SCMH1: variants seen among roughly 807,000 people sequenced by gnomAD.
The protein encoded by SCMH1 is Scm polycomb group protein homolog 1, also known as polycomb protein SCMH1.
Under a neutral mutation model 70.8 loss-of-function variants are expected in SCMH1, and 37 were observed. That is an observed-to-expected ratio of 0.52 (90% CI 0.40 to 0.69). The LOEUF (loss-of-function observed/expected upper bound fraction) is 0.69, where lower values mean the gene tolerates loss of function less well. SCMH1 is among the 30% of genes least tolerant of loss of function. The pLI is 0.00. For missense variants in SCMH1, 607 were observed against 827.3 expected (o/e 0.73, Z 3.27); for synonymous variants, 292 against 307.4 (o/e 0.95, Z 0.52).
intron 10 of SCMH1, among the ~76,000 whole-genome samples, chr1:41,050,453 A>G (rs1647672187): frequency 6.6e-6 from 1 of 152,216 alleles, no homozygotes; most frequent in East Asian, 1.9e-4. Context: ...GAAGTGACTG[A>G]GCCAGATGCT....
At chr1:41,134,250 C>T (rs960697044) in intron 6 of SCMH1, among the ~76,000 whole-genome samples, 1 of 152,180 alleles carries the variant, frequency 6.6e-6, no homozygotes, top group African/African-American at 2.4e-5. Flanking sequence ...ATGCTAAAAA[C>T]TCTCAATAAA....
At chr1:41,171,322 T>A (rs571993447) in intron 2 of SCMH1, among the ~76,000 whole-genome samples, 1 of 152,206 alleles carries the variant, frequency 6.6e-6, no homozygotes, top group Non-Finnish European at 1.5e-5. Flanking sequence ...GCAATTCTAC[T>A]GTCAAAACTA....
At position 41,113,329 on chromosome 1, in the gene SCMH1, G is replaced by C; in HGVS notation, c.699C>G (p.Gly233=). ...GGTTGTCTCCAGTCAAGGAACACCAGCCCACAGGGAAGATGTCTCGGGAGT... is the reference window on the plus strand; with the variant it reads ...GGTTGTCTCCAGTCAAGGAACACCACCCCACAGGGAAGATGTCTCGGGAGT... Residue 233 remains glycine (G), a synonymous_variant, in exon 8 of 15, where the codon GGC becomes GGG. Coordinates refer to ENST00000337495, the Ensembl canonical transcript of SCMH1. The surrounding 1 kb of genome is among the most constrained non-coding windows in gnomAD (Gnocchi z 4.3). The C allele has an allele frequency of 6.2e-7, 1 of 1,613,930 alleles. No individual in the cohort carries two copies. Among genetic ancestry groups the C allele is most frequent in the Non-Finnish European group, 8.5e-7 (1 of 1,179,948 alleles).
At chr1:41,034,046 C>T (rs567694522) in intron 13 of SCMH1, 5 of 1,608,062 alleles carry the variant, frequency 3.1e-6, no homozygotes, top group Non-Finnish European at 4.2e-6. Flanking sequence ...CCTTTTAACA[C>T]TCCTGTGGAA....
chr1:41,236,840 A>T (rs1662488805), intron 1 of SCMH1, among the ~76,000 whole-genome samples: 1 of 152,192 alleles, frequency 6.6e-6, no homozygotes, highest in African/African-American at 2.4e-5. Flanking sequence ...AGATGCAACC[A>T]TCCTTTTTCC....
intron 6 of SCMH1, 67 bp downstream of exon 6, chr1:41,142,811 G>A: frequency 1.5e-6 from 2 of 1,347,310 alleles, no homozygotes; most frequent in Non-Finnish European, 2.1e-6. Context: ...TCCCATAATA[G>A]GATGTTCAGT....
chr1:41,037,851 G>A (rs143617148), intron 12 of SCMH1, among the ~76,000 whole-genome samples: 33 of 152,318 alleles, frequency 2.2e-4, no homozygotes, highest in African/African-American at 7.9e-4. Flanking sequence ...GCTATTCTAG[G>A]ATGGAAGATA....
chr1:41,172,604 C>G (rs544515264), intron 2 of SCMH1, among the ~76,000 whole-genome samples: 25 of 152,020 alleles, frequency 1.6e-4, no homozygotes, highest in Middle Eastern at 3.4e-3. Context: ...TGTACGGAAC[C>G]ATTAAAGTCT....
At chr1:41,054,028 T>C (rs1046387483) in intron 10 of SCMH1, among the ~76,000 whole-genome samples, 1 of 152,086 alleles carries the variant, frequency 6.6e-6, no homozygotes, top group Non-Finnish European at 1.5e-5. Context: ...GTATTTTTAG[T>C]AGAGACGGGG....
chr1:41,092,773 T>C (rs1328365052), intron 8 of SCMH1, among the ~76,000 whole-genome samples: 1 of 152,116 alleles, frequency 6.6e-6, no homozygotes, highest in African/African-American at 2.4e-5. Flanking sequence ...CATGAAAAAA[T>C]GCTCATCATC....
chr1:41,105,186 A>C (rs1667597883), intron 8 of SCMH1, among the ~76,000 whole-genome samples: 1 of 151,300 alleles, frequency 6.6e-6, no homozygotes, highest in Non-Finnish European at 1.5e-5. Context: ...CTGGTCTTGA[A>C]CTCTGGTCCT....
intron 12 of SCMH1, among the ~76,000 whole-genome samples, chr1:41,040,137 T>C (rs1269224331): frequency 6.6e-6 from 1 of 152,134 alleles, no homozygotes; most frequent in Non-Finnish European, 1.5e-5. Context: ...AGGGTCAATG[T>C]AAAATATACT....
intron 9 of SCMH1, among the ~76,000 whole-genome samples, chr1:41,072,775 A>G (rs1267037168): frequency 6.6e-6 from 1 of 152,140 alleles, no homozygotes; most frequent in East Asian, 1.9e-4. Context: ...CTGAGGTGGG[A>G]GGATCGCTTG....
At chr1:41,205,317 G>C (rs1655262857) in intron 1 of SCMH1, among the ~76,000 whole-genome samples, 1 of 152,314 alleles carries the variant, frequency 6.6e-6, no homozygotes, top group East Asian at 1.9e-4. Context: ...ACTGCACCTG[G>C]AAAATCAGTA....
chr1:41,117,573 C>A (rs926754841), intron 6 of SCMH1, among the ~76,000 whole-genome samples: 4 of 152,114 alleles, frequency 2.6e-5, no homozygotes, highest in African/African-American at 9.7e-5. Context: ...TCAGTCAGGC[C>A]CGCCTGCAGT....
rs1163375847 is a variant in SCMH1 at position 41,144,112 on chromosome 1, A to C, written c.178-1000T>G. On this transcript the variant is annotated intron_variant, in intron 5 of 14. Coordinates refer to ENST00000337495, the Ensembl canonical transcript of SCMH1. ...CATGGTAGGTATATGTTTAAATCAC[A>C]AAACAGAAAATTAACCCTTTTAAGG... 2.0e-5 allele frequency among the ~76,000 whole-genome samples: 3 copies of C among 152,184 alleles called. 1 individual carries two copies. In the South Asian group the frequency reaches 6.2e-4, roughly 32 times the overall value.
At chr1:41,034,108 T>C (rs1014980257) in intron 13 of SCMH1, 60 bp from the exon 14 acceptor site, 2 of 1,558,060 alleles carry the variant, frequency 1.3e-6, no homozygotes. Flanking sequence ...ACATTCTGCA[T>C]ATGAGGAAGA....
At position 41,149,160 on chromosome 1, in the gene SCMH1, TCTC is replaced by T. The variant is rs1394503823; in HGVS notation, c.177+2451_177+2453del. 2.6e-5 allele frequency among the ~76,000 whole-genome samples: 4 copies of T among 152,256 alleles called. No homozygotes were observed. The East Asian group carries it at 7.7e-4, about 29-fold the overall frequency. On this transcript the variant is annotated intron_variant, in intron 5 of 14. Transcript: ENST00000337495. ...TATTTTTTCTATCCCCCATCACTTC[TCTC>T]CTCTGGGACTCCAATTACACGTCTA...
In SCMH1 at chr1:41,221,586, C is replaced by CA. The variant is rs34767728; in HGVS notation, c.-118+20472dup. Among the ~76,000 whole-genome samples the CA allele has an allele frequency of 3.0e-3, 422 of 138,408 alleles. 1 individual carries two copies. The highest frequency in any genetic ancestry group is 7.5e-3 in the African/African-American group (273 of 36,270). 90.8% of individuals were successfully genotyped at this position (138,408 alleles called of 152,430 possible). On this transcript the variant is annotated intron_variant, in intron 1 of 14. Coordinates refer to ENST00000337495, the Ensembl canonical transcript of SCMH1. ...ATAGGGCATGGCCAAACGCTCATAG[C>CA]AAAAAAAAAAAAGGCTAGGGCCCAG...
Sources: allele counts gnomAD v4.1 joint callset (sites outside exome capture counted in the v4.1 genomes callset), GRCh38; gene constraint gnomAD v4.1.1; non-coding constraint Gnocchi (gnomAD v3.1); transcripts MANE v1.5; gene names NCBI Gene and HGNC (gene_info 2026-07-23, HGNC 2026-07-21).